The following FTCDNL1 variants were observed in gnomAD, a reference collection of about 807,000 sequenced individuals.
FTCDNL1 encodes formiminotransferase cyclodeaminase N-terminal like, also known as formiminotransferase N-terminal subdomain-containing protein.
Under a neutral mutation model 5.9 loss-of-function variants are expected in FTCDNL1, and 11 were observed. The observed-to-expected ratio is 1.87, with a 90% CI of 1.18 to 3.10. FTCDNL1 has a LOEUF of 3.10. Among genes scored for constraint, FTCDNL1 ranks in the 30% most tolerant of loss-of-function variants. The pLI is 0.00. For synonymous variants in FTCDNL1, 58 were observed against 24.8 expected (o/e 2.34, Z -3.99); for missense variants, 115 against 65.5 (o/e 1.76, Z -2.61).
the FTCDNL1 span, among the ~76,000 whole-genome samples, chr2:199,750,300 ATGAGC>A: frequency 6.6e-6 from 1 of 151,898 alleles, no homozygotes; most frequent in Non-Finnish European, 1.5e-5. Flanking sequence ...GGAGGGTGCA[ATGAGC>A]TATTATCTCA....
In FTCDNL1 at chr2:199,774,274, T is replaced by C. The variant is rs76887650; in HGVS notation, c.212-13439A>G. ...GACTAGGACAGTGGTCCACTATCAA[T>C]ATGCTCTCCCTTACCCAACCTCATG... On this transcript the variant is annotated intron_variant, in intron 3 of 3. Coordinates refer to the FTCDNL1 transcript ENST00000416668. 2.0e-3 allele frequency among the ~76,000 whole-genome samples: 306 copies of C among 152,302 alleles called. 11 individuals are homozygous for C. In the East Asian group the frequency reaches 0.055, roughly 28 times the overall value.
chr2:199,719,157 G>A, the FTCDNL1 span, among the ~76,000 whole-genome samples: 8 of 151,496 alleles, frequency 5.3e-5, no homozygotes. Flanking sequence ...TTCTTCTAGT[G>A]TTTTTATAGT....
At chr2:199,736,586 T>A in the FTCDNL1 span, among the ~76,000 whole-genome samples, 12 of 152,374 alleles carry the variant, frequency 7.9e-5, no homozygotes, top group Non-Finnish European at 1.3e-4. Flanking sequence ...ATTCAATCCA[T>A]TAAGCTGCCT....
the FTCDNL1 span, among the ~76,000 whole-genome samples, chr2:199,689,082 T>C: frequency 6.6e-6 from 1 of 152,232 alleles, no homozygotes; most frequent in Non-Finnish European, 1.5e-5. Flanking sequence ...TGTTCAACAA[T>C]TGTTTCTCAA....
the FTCDNL1 span, among the ~76,000 whole-genome samples, chr2:199,668,708 T>A: frequency 2.0e-5 from 3 of 152,158 alleles, no homozygotes; most frequent in Non-Finnish European, 4.4e-5. Context: ...ATAATATTTT[T>A]AAAAATATAT....
chr2:199,736,301 G>T, the FTCDNL1 span, among the ~76,000 whole-genome samples: 3 of 152,166 alleles, frequency 2.0e-5, no homozygotes, highest in Non-Finnish European at 2.9e-5. Context: ...GTTTTCATTT[G>T]TCTGCCCTTC....
At chr2:199,714,592 TCTC>T in the FTCDNL1 span, among the ~76,000 whole-genome samples, 1 of 152,118 alleles carries the variant, frequency 6.6e-6, no homozygotes, top group Non-Finnish European at 1.5e-5. Context: ...TAAATTTTAT[TCTC>T]CTTCTTTCCA....
chr2:199,849,309 T>C (rs1375318397), intron 1 of FTCDNL1, among the ~76,000 whole-genome samples: 1 of 152,248 alleles, frequency 6.6e-6, no homozygotes, highest in Non-Finnish European at 1.5e-5. Context: ...TTTCAAGGTC[T>C]GTACTATTTT....
the FTCDNL1 span, among the ~76,000 whole-genome samples, chr2:199,747,561 C>T: frequency 7.1e-6 from 1 of 140,492 alleles, no homozygotes; most frequent in African/African-American, 2.6e-5. Context: ...TCGCTAAAAC[C>T]CTCGGGGAGA....
chr2:199,831,111 G>A (rs1702342459), intron 3 of FTCDNL1, among the ~76,000 whole-genome samples: 1 of 152,130 alleles, frequency 6.6e-6, no homozygotes, highest in African/African-American at 2.4e-5. Flanking sequence ...CAACACCTAT[G>A]CCTCCAAATG....
At chr2:199,700,656 G>C in the FTCDNL1 span, among the ~76,000 whole-genome samples, 99 of 152,198 alleles carry the variant, frequency 6.5e-4, no homozygotes, top group Non-Finnish European at 1.2e-3. Flanking sequence ...ACACTACAAG[G>C]CTACAGTAAC....
chr2:199,760,220 CA>C (rs986546964), downstream of FTCDNL1, among the ~76,000 whole-genome samples: 15 of 139,774 alleles, frequency 1.1e-4, no homozygotes, highest in African/African-American at 3.8e-4. Context: ...AAAAAAAAAA[CA>C]AAAAACTCTA....
At chr2:199,668,963 GC>G in the FTCDNL1 span, among the ~76,000 whole-genome samples, 1 of 152,118 alleles carries the variant, frequency 6.6e-6, no homozygotes, top group East Asian at 1.9e-4. Context: ...AATAATTCAA[GC>G]TTTTCTTTTT....
chr2:199,794,424 C>T (rs548970828), intron 3 of FTCDNL1, among the ~76,000 whole-genome samples: 1 of 152,324 alleles, frequency 6.6e-6, no homozygotes, highest in East Asian at 1.9e-4. Flanking sequence ...CTAATAACCA[C>T]GTTTCTACTT....
chr2:199,714,574 C>G, the FTCDNL1 span, among the ~76,000 whole-genome samples: 518 of 152,176 alleles, frequency 3.4e-3, 3 homozygotes, highest in African/African-American at 0.012. Context: ...ACCATCATTG[C>G]CTACGTGTAA....
chr2:199,748,719 G>A, the FTCDNL1 span, among the ~76,000 whole-genome samples: 1 of 152,150 alleles, frequency 6.6e-6, no homozygotes, highest in African/African-American at 2.4e-5. Flanking sequence ...CCATTACCAA[G>A]GAAGGTAGTC....
intron 2 of FTCDNL1, 130 bp from the exon 3 acceptor site, chr2:199,846,300 T>C (rs1318473086): frequency 4.4e-5 from 25 of 573,750 alleles, no homozygotes; most frequent in East Asian, 3.4e-4. Context: ...GGAAGTGACA[T>C]TGAATAAACA....
Position 199,834,825 on chromosome 2 carries a change from C to T in FTCDNL1, c.211+11250G>A, listed in dbSNP as rs559989112. On this transcript the variant is annotated intron_variant, in intron 3 of 4. Coordinates refer to ENST00000420128, the MANE Select transcript of FTCDNL1 (RefSeq NM_001363886.2). Reference sequence around the variant, plus strand: ...TCTTTCTCTACTCTCTTTCTAATTTCGTTGCTACGTTATATAAACTTTGTG... The same window carrying T: ...TCTTTCTCTACTCTCTTTCTAATTTTGTTGCTACGTTATATAAACTTTGTG... Among the ~76,000 whole-genome samples, 145 of 152,278 alleles carry T rather than the reference C, an allele frequency of 9.5e-4. 2 individuals carry two copies. Among genetic ancestry groups the T allele is most frequent in the African/African-American group, 3.4e-3 (143 of 41,568 alleles).
the FTCDNL1 span, among the ~76,000 whole-genome samples, chr2:199,708,238 G>A: frequency 2.0e-5 from 3 of 151,818 alleles, no homozygotes; most frequent in Non-Finnish European, 2.9e-5. Flanking sequence ...TTTCATTTCA[G>A]ATATTGTGAT....
Sources: allele counts gnomAD v4.1 joint callset (sites outside exome capture counted in the v4.1 genomes callset), GRCh38; gene constraint gnomAD v4.1.1; transcripts MANE v1.5; gene names NCBI Gene and HGNC (gene_info 2026-07-23, HGNC 2026-07-21).